The following LYZL6 variants were observed in gnomAD, a reference collection of about 807,000 sequenced individuals.
The protein encoded by LYZL6 is lysozyme like 6.
LYZL6 carries 21 observed loss-of-function variants against 15.0 expected under a neutral mutation model. That is an observed-to-expected ratio of 1.40 (90% confidence interval 1.00 to 2.02). LYZL6 has a LOEUF of 2.02. LYZL6 is among the 30% of genes most tolerant of loss of function. The pLI is 0.00. For synonymous variants in LYZL6, 72 were observed against 67.8 expected (o/e 1.06, Z -0.31); for missense variants, 173 against 180.5 (o/e 0.96, Z 0.24).
rs1378714210 is a variant in LYZL6 at position 35,934,755 on chromosome 17, A to C, written c.*41T>G. On this transcript the variant is annotated 3_prime_UTR_variant, in exon 5 of 5. Transcript: ENST00000615905. ...AAATGAAGAATCCCTGAGTGAGGAC[A>C]GGAGTCTTGGAATGACTCCACGGTG... 1 of 1,551,286 alleles carries C rather than the reference A, an allele frequency of 6.4e-7. No individual in the cohort carries two copies. Among genetic ancestry groups the C allele is most frequent in the Non-Finnish European group, 8.9e-7 (1 of 1,123,534 alleles).
chr17:35,936,155 G>T (rs1236889566), intron 4 of LYZL6, among the ~76,000 whole-genome samples: 3 of 152,174 alleles, frequency 2.0e-5, no homozygotes, highest in African/African-American at 7.2e-5. Flanking sequence ...TATGGCCACA[G>T]GGCCCGAGCG....
chr17:35,936,907 C>T, intron 3 of LYZL6, 74 bp from the exon 4 acceptor site: 2 of 1,315,912 alleles, frequency 1.5e-6, no homozygotes, highest in Non-Finnish European at 2.2e-6. Context: ...ACCAGCCCTC[C>T]CTGGACAGCC....
At chr17:35,940,688 C>A (rs1033894728) in intron 1 of LYZL6, among the ~76,000 whole-genome samples, 4 of 152,166 alleles carry the variant, frequency 2.6e-5, no homozygotes, top group African/African-American at 9.7e-5. Context: ...ACCTCCCAAC[C>A]CCTGGCAACC....
intron 1 of LYZL6, among the ~76,000 whole-genome samples, chr17:35,942,989 C>T (rs964157646): frequency 6.6e-6 from 1 of 152,298 alleles, no homozygotes; most frequent in East Asian, 1.9e-4. Context: ...GATAGCACAC[C>T]TGGTCCCAAC....
In LYZL6 at chr17:35,938,616, T is replaced by TAA. The variant is rs11434843; in HGVS notation, c.139+600_139+601dup. 7.1e-4 allele frequency among the ~76,000 whole-genome samples: 72 copies of TAA among 101,776 alleles called. 2 individuals carry two copies. The highest frequency in any genetic ancestry group is 5.0e-3 in the Admixed American group (49 of 9,736). The allele number at this position is 101,776 out of a possible 152,430, so 66.8% of individuals were successfully genotyped here. A position where few individuals can be genotyped will look rare whatever the true frequency, so the allele number is the denominator to read the frequency against. On this transcript the variant is annotated intron_variant, in intron 2 of 4. Transcript: ENST00000615905. ...CTGGGTGACAGAGCGAGACTCTGTC[T>TAA]AAAAAAAAAAAAAAAAGGTACCTAA...
chr17:35,942,543 G>A (rs1232670200), intron 1 of LYZL6, among the ~76,000 whole-genome samples: 1 of 152,078 alleles, frequency 6.6e-6, no homozygotes, highest in East Asian at 1.9e-4. Flanking sequence ...AGACAGTTAG[G>A]GTAAAGTGAA....
At chr17:35,936,894 G>A (rs1187998309) in intron 3 of LYZL6, 61 bp from the exon 4 acceptor site, 2 of 1,455,850 alleles carry the variant, frequency 1.4e-6, no homozygotes, top group African/African-American at 1.4e-5. Context: ...GATGGAGGCA[G>A]ACACCAGCCC....
intron 4 of LYZL6, among the ~76,000 whole-genome samples, chr17:35,936,189 C>A (rs902883299): frequency 1.3e-5 from 2 of 152,240 alleles, no homozygotes; most frequent in East Asian, 3.8e-4. Flanking sequence ...TATTGCTTAA[C>A]TCCTCCCATC....
intron 1 of LYZL6, among the ~76,000 whole-genome samples, chr17:35,940,334 G>T (rs1305021043): frequency 6.6e-6 from 1 of 152,124 alleles, no homozygotes; most frequent in African/African-American, 2.4e-5. Flanking sequence ...AGGAAATATG[G>T]CTGATTCCCA....
chr17:35,941,320 T>C (rs2089423104), intron 1 of LYZL6, among the ~76,000 whole-genome samples: 1 of 152,240 alleles, frequency 6.6e-6, no homozygotes, highest in Admixed American at 6.5e-5. Context: ...TCAGAACCTT[T>C]GGCCAGTTTC....
intron 1 of LYZL6, among the ~76,000 whole-genome samples, chr17:35,942,784 T>A (rs928926433): frequency 3.9e-5 from 6 of 152,236 alleles, no homozygotes; most frequent in Non-Finnish European, 8.8e-5. Flanking sequence ...CCTTAATAAC[T>A]ACATTCCTTT....
rs2089354771 is a variant in LYZL6, at chr17:35,934,769, G to T, written c.*27C>A. 4.4e-6 allele frequency: 7 copies of T among 1,607,514 alleles called. No homozygotes were observed. The highest frequency in any genetic ancestry group is 6.0e-6 in the Non-Finnish European group (7 of 1,174,436). Reference sequence around the variant, plus strand: ...TGAGTGAGGACAGGAGTCTTGGAATGACTCCACGGTGCACCCGCACCCTGT... The same window carrying T: ...TGAGTGAGGACAGGAGTCTTGGAATTACTCCACGGTGCACCCGCACCCTGT... On this transcript the variant is annotated 3_prime_UTR_variant, in exon 5 of 5. Coordinates refer to ENST00000615905, the MANE Select transcript of LYZL6 (RefSeq NM_020426.4).
chr17:35,940,812 G>C (rs9904660), intron 1 of LYZL6, among the ~76,000 whole-genome samples: 133,682 of 152,214 alleles, frequency 0.88, 58,796 homozygotes, highest in East Asian at 1. Context: ...ATAATGTTTT[G>C]AAGTTTCATT....
intron 2 of LYZL6, 96 bp from the exon 3 acceptor site, chr17:35,938,012 G>T (rs2089391969): frequency 2.4e-6 from 3 of 1,272,906 alleles, no homozygotes; most frequent in African/African-American, 2.9e-5. Flanking sequence ...CAGACAAAAG[G>T]AACAAGGCCT....
At chr17:35,936,589 C>T in intron 4 of LYZL6, 166 bp downstream of exon 4, 1 of 594,984 alleles carries the variant, frequency 1.7e-6, no homozygotes, top group Non-Finnish European at 3.0e-6. Flanking sequence ...TTGTTTAATA[C>T]AATATCATAG....
At chr17:35,939,648 G>C (rs959743538) in intron 1 of LYZL6, 90 bp from the exon 2 acceptor site, 1 of 230,364 alleles carries the variant, frequency 4.3e-6, no homozygotes. Context: ...ATCTTTCTTT[G>C]TTGTTGTTTG....
Position 35,939,263 on chromosome 17 carries a change from G to A in LYZL6, c.94C>T (p.Gln32Ter). 1.9e-6 allele frequency: 3 copies of A among 1,614,204 alleles called. No homozygotes were observed. Among genetic ancestry groups the A allele is most frequent in the South Asian group, 2.2e-5 (2 of 91,086 alleles). Residue 32 changes from glutamine (Q) to a stop codon, truncating the protein, a stop_gained, in exon 2 of 5, where the codon CAG becomes TAG. Coordinates refer to ENST00000615905, the MANE Select transcript of LYZL6 (RefSeq NM_020426.4). LOFTEE classifies it high-confidence loss of function. ...ISRCDLAQVL[Q>*]LEDLDGFEGY... ...TCAAACCCATCCAAGTCCTCCAGCT[G>A]CAGCACCTGGGCCAAGTCACAGCGA...
intron 4 of LYZL6, among the ~76,000 whole-genome samples, chr17:35,935,769 C>T (rs2089366063): frequency 1.3e-5 from 2 of 151,924 alleles, no homozygotes; most frequent in South Asian, 4.2e-4. Flanking sequence ...ACCTCAGCCT[C>T]CCAAAGGGCT....
Position 35,939,450 on chromosome 17 carries a change from G to T in LYZL6, c.-94C>A, listed in dbSNP as rs2089407992. On this transcript the variant is annotated 5_prime_UTR_variant, in exon 2 of 5. Transcript: ENST00000615905. ...TCTCTGAGAGCCTGGGGAATCTGGA[G>T]AGGGCAGCCAGGTTTCCTTACTCAC... The T allele has an allele frequency of 5.9e-6, 8 of 1,359,178 alleles. No individual in the cohort carries two copies. In the East Asian group the frequency reaches 1.9e-4, roughly 32 times the overall value. 84.2% of individuals were successfully genotyped at this position (1,359,178 alleles called of 1,614,324 possible). A position where few individuals can be genotyped will look rare whatever the true frequency, so the allele number is the denominator to read the frequency against.
Sources: allele counts gnomAD v4.1 joint callset (sites outside exome capture counted in the v4.1 genomes callset), GRCh38; gene constraint gnomAD v4.1.1; transcripts MANE v1.5; gene names NCBI Gene and HGNC (gene_info 2026-07-23, HGNC 2026-07-21).